The following PPP1R9A variants were observed in gnomAD, a reference collection of about 807,000 sequenced individuals.
The protein encoded by PPP1R9A is protein phosphatase 1 regulatory subunit 9A, also known as neurabin-1.
PPP1R9A carries 59 observed loss-of-function variants against 141.9 expected under a neutral mutation model. The observed-to-expected ratio is 0.42, with a 90% CI of 0.34 to 0.52. The LOEUF is 0.52. Ranked by LOEUF, PPP1R9A falls within the 20% of genes least tolerant of loss-of-function variation. The pLI, the probability that PPP1R9A is intolerant of heterozygous loss-of-function variation, is 0.10. For synonymous variants in PPP1R9A, 500 were observed against 569.7 expected (o/e 0.88, Z 1.74); for missense variants, 1,444 against 1,611.9 (o/e 0.90, Z 1.78).
Position 95,159,925 on chromosome 7 carries a change from CAAA to C in PPP1R9A, c.1650-1927_1650-1925del, listed in dbSNP as rs751687197. ...TGGGTGACAGAGGGAGACATTGTCT[CAAA>C]AAAAAAAAAAAAAAGAAAGAAAGAA... On this transcript the variant is annotated intron_variant, in intron 4 of 19. Coordinates refer to ENST00000433360, the MANE Select transcript of PPP1R9A (RefSeq NM_001166160.2). Among the ~76,000 whole-genome samples, 857 of 106,634 alleles carry C rather than the reference CAAA, an allele frequency of 8.0e-3. 1 individual carries two copies. Among genetic ancestry groups the C allele is most frequent in the Non-Finnish European group, 0.011 (577 of 53,110 alleles). The allele number at this position is 106,634 out of a possible 152,430, so 70.0% of individuals were successfully genotyped here. A position where few individuals can be genotyped will look rare whatever the true frequency, so the allele number is the denominator to read the frequency against.
chr7:95,119,408 G>T (rs1266100322), intron 3 of PPP1R9A, among the ~76,000 whole-genome samples: 2 of 152,154 alleles, frequency 1.3e-5, no homozygotes, highest in African/African-American at 4.8e-5. Context: ...ATATTATTCA[G>T]TCATTAGAAA....
At chr7:94,941,525 G>A (rs766838524) in intron 2 of PPP1R9A, among the ~76,000 whole-genome samples, 5 of 151,930 alleles carry the variant, frequency 3.3e-5, no homozygotes, top group Non-Finnish European at 7.4e-5. Flanking sequence ...AAGTGTGTTT[G>A]CATACTTTAG....
At chr7:95,120,355 A>T (rs1170810365) in intron 3 of PPP1R9A, among the ~76,000 whole-genome samples, 1 of 152,250 alleles carries the variant, frequency 6.6e-6, no homozygotes, top group Non-Finnish European at 1.5e-5. Context: ...ATTTATTTAA[A>T]ATTATATGTT....
chr7:95,031,051 TGGCCAA>T (rs1807605535), intron 2 of PPP1R9A, among the ~76,000 whole-genome samples: 2 of 152,130 alleles, frequency 1.3e-5, no homozygotes, highest in Non-Finnish European at 2.9e-5. Flanking sequence ...CAGCAGCTGA[TGGCCAA>T]GTAGGGCAGA....
Position 94,918,831 on chromosome 7 carries a change from T to C in PPP1R9A, c.1395+7323T>C, listed in dbSNP as rs141271859. On this transcript the variant is annotated intron_variant, in intron 2 of 19. Coordinates refer to ENST00000433360, the MANE Select transcript of PPP1R9A (RefSeq NM_001166160.2). The stretch of plus-strand genomic sequence containing the variant: ...AAAAGGATAGCACACTACAGGAAAG[T>C]CTAGAGAGCAATGGCATAAAGAATT... Among the ~76,000 whole-genome samples, 557 of 152,288 alleles carry C rather than the reference T, an allele frequency of 3.7e-3. 3 individuals carry two copies. The highest frequency in any genetic ancestry group is 0.013 in the African/African-American group (522 of 41,566).
intron 7 of PPP1R9A, among the ~76,000 whole-genome samples, chr7:95,220,961 G>T (rs1296238134): frequency 6.6e-6 from 1 of 152,008 alleles, no homozygotes; most frequent in East Asian, 1.9e-4. Context: ...CCCAAACTGG[G>T]AATATAAGTA....
intron 7 of PPP1R9A, among the ~76,000 whole-genome samples, chr7:95,223,849 C>A (rs1794785453): frequency 6.6e-6 from 1 of 151,914 alleles, no homozygotes; most frequent in Non-Finnish European, 1.5e-5. Flanking sequence ...CAGTTTTATA[C>A]CTCTATATGA....
At chr7:95,076,189 C>CTCT (rs1814827905) in intron 2 of PPP1R9A, among the ~76,000 whole-genome samples, 1 of 152,126 alleles carries the variant, frequency 6.6e-6, no homozygotes, top group Admixed American at 6.6e-5. Context: ...AGGTGTGAGC[C>CTCT]ACCGCACTCA....
chr7:95,053,513 G>A (rs139404956), intron 2 of PPP1R9A, among the ~76,000 whole-genome samples: 31 of 152,252 alleles, frequency 2.0e-4, no homozygotes, highest in African/African-American at 7.5e-4. Flanking sequence ...AAATAAAAAT[G>A]CTAGATAACA....
intron 4 of PPP1R9A, among the ~76,000 whole-genome samples, chr7:95,125,972 G>A (rs1023126880): frequency 2.0e-5 from 3 of 151,924 alleles, no homozygotes; most frequent in Non-Finnish European, 4.4e-5. Context: ...AACCCTGGAT[G>A]GAAACTTGTT....
At chr7:94,981,736 C>T (rs1445316062) in intron 2 of PPP1R9A, among the ~76,000 whole-genome samples, 1 of 151,974 alleles carries the variant, frequency 6.6e-6, no homozygotes, top group Admixed American at 6.6e-5. Flanking sequence ...CACTAGTGTC[C>T]ATATTTTCAT....
intron 4 of PPP1R9A, among the ~76,000 whole-genome samples, chr7:95,160,504 G>C (rs1830314307): frequency 6.6e-6 from 1 of 151,910 alleles, no homozygotes; most frequent in East Asian, 1.9e-4. Context: ...CTTTAAAACA[G>C]TCTTTATTTT....
At chr7:95,148,225 T>C (rs1827996714) in intron 4 of PPP1R9A, among the ~76,000 whole-genome samples, 1 of 151,938 alleles carries the variant, frequency 6.6e-6, no homozygotes, top group Non-Finnish European at 1.5e-5. Context: ...TTCAGTGAAA[T>C]TGAAAACAGG....
chr7:95,241,897 A>G (rs1797521584), intron 8 of PPP1R9A, among the ~76,000 whole-genome samples: 1 of 152,156 alleles, frequency 6.6e-6, no homozygotes, highest in South Asian at 2.1e-4. Context: ...ATTACAGGCC[A>G]TCAACTACAT....
chr7:95,012,484 G>A (rs539569644), intron 2 of PPP1R9A, among the ~76,000 whole-genome samples: 2 of 152,118 alleles, frequency 1.3e-5, no homozygotes, highest in South Asian at 4.1e-4. Context: ...TGATGTTTGG[G>A]CAGGGACACA....
chr7:94,938,325 G>A (rs762787641), intron 2 of PPP1R9A, among the ~76,000 whole-genome samples: 9 of 152,168 alleles, frequency 5.9e-5, no homozygotes, highest in African/African-American at 7.2e-5. Context: ...CCATGAAACC[G>A]GTCCCTTATG....
At chr7:94,907,349 T>TG (rs1790874284), upstream of PPP1R9A, 3 of 152,240 alleles carry the variant, frequency 2.0e-5, no homozygotes, top group Admixed American at 1.3e-4. Context: ...CGCAGTGGCT[T>TG]AGGTGAAGGC....
intron 4 of PPP1R9A, among the ~76,000 whole-genome samples, chr7:95,138,508 G>GA (rs1826083800): frequency 1.3e-5 from 2 of 152,018 alleles, no homozygotes; most frequent in South Asian, 4.1e-4. Flanking sequence ...AACCATGAAA[G>GA]AAAAAACTGA....
At chr7:94,978,838 G>T (rs537697811) in intron 2 of PPP1R9A, among the ~76,000 whole-genome samples, 4 of 152,046 alleles carry the variant, frequency 2.6e-5, no homozygotes, top group African/African-American at 9.7e-5. Flanking sequence ...GCTCTGTTGC[G>T]CAGGCTGGAG....
Sources: allele counts gnomAD v4.1 joint callset (sites outside exome capture counted in the v4.1 genomes callset), GRCh38; gene constraint gnomAD v4.1.1; transcripts MANE v1.5; gene names NCBI Gene and HGNC (gene_info 2026-07-23, HGNC 2026-07-21).